Variants in DGKB observed in about 807,000 individuals in gnomAD.
DGKB encodes the protein 90 kDa diacylglycerol kinase.
In DGKB, 67 loss-of-function variants were observed where a neutral mutation model predicts 114.3. That is an observed-to-expected ratio of 0.59 (90% confidence interval 0.48 to 0.72). The LOEUF (loss-of-function observed/expected upper bound fraction) is 0.72, where lower values mean the gene tolerates loss of function less well. DGKB is among the 30% of genes least tolerant of loss of function. The pLI is 0.00. For synonymous variants in DGKB, 398 were observed against 323.1 expected, an observed-to-expected ratio of 1.23 and a Z score of -2.49; for missense variants, 907 against 975.2, an observed-to-expected ratio of 0.93 and a Z score of 0.93.
intron 1 of DGKB, among the ~76,000 whole-genome samples, chr7:14,936,777 C>T (rs1012059589): frequency 1.3e-5 from 2 of 151,998 alleles, no homozygotes. Context: ...TCTCAGGCTT[C>T]CAAGTTTCCA....
chr7:14,664,629 T>A (rs1435705453), intron 13 of DGKB, among the ~76,000 whole-genome samples: 1 of 152,008 alleles, frequency 6.6e-6, no homozygotes, highest in Non-Finnish European at 1.5e-5. Context: ...TATATAAACA[T>A]CACTTTACAT....
At chr7:14,830,717 A>G (rs1846290718) in intron 2 of DGKB, among the ~76,000 whole-genome samples, 1 of 152,114 alleles carries the variant, frequency 6.6e-6, no homozygotes, top group African/African-American at 2.4e-5. Context: ...ACCATGTGGG[A>G]TATCAATGGC....
intron 23 of DGKB, among the ~76,000 whole-genome samples, chr7:14,284,068 TG>T (rs1416815997): frequency 1.3e-5 from 2 of 151,868 alleles, no homozygotes; most frequent in East Asian, 3.9e-4. Flanking sequence ...ACCATCAGAG[TG>T]AACAGGCAAC....
intron 7 of DGKB, among the ~76,000 whole-genome samples, chr7:14,700,055 A>G (rs1430909011): frequency 6.6e-6 from 1 of 152,162 alleles, no homozygotes; most frequent in Non-Finnish European, 1.5e-5. Flanking sequence ...GTGTAGTCAC[A>G]AGTGCTATAC....
chr7:14,751,225 T>C (rs975306204), intron 4 of DGKB, among the ~76,000 whole-genome samples: 2 of 152,188 alleles, frequency 1.3e-5, no homozygotes, highest in Non-Finnish European at 2.9e-5. Flanking sequence ...CTTGGAAAAG[T>C]ACAAAAAGAT....
intron 15 of DGKB, among the ~76,000 whole-genome samples, chr7:14,614,391 T>A (rs1326240116): frequency 6.6e-6 from 1 of 152,102 alleles, no homozygotes; most frequent in East Asian, 1.9e-4. Flanking sequence ...TACAGTTTGA[T>A]GAAAAAAATT....
At chr7:14,647,696 A>C (rs1472914455) in intron 13 of DGKB, among the ~76,000 whole-genome samples, 1 of 152,202 alleles carries the variant, frequency 6.6e-6, no homozygotes, top group African/African-American at 2.4e-5. Flanking sequence ...TGAACGACGC[A>C]GAAGACGGGT....
chr7:14,637,839 C>A lies in DGKB; in HGVS notation c.1135-7571G>T, dbSNP rs150124823. Among the ~76,000 whole-genome samples, 28 of 151,800 alleles carry A rather than the reference C, an allele frequency of 1.8e-4. No homozygotes were observed. In the East Asian group the frequency reaches 4.5e-3, roughly 24 times the overall value. On this transcript the variant is annotated intron_variant, in intron 13 of 25. Transcript: ENST00000402815. ...AAATACATGTAGCTACAGTTGCCTG[C>A]TGAAAATATTCTATTGGAGTAACAT...
At position 14,148,897 on chromosome 7, in the gene DGKB, A is replaced by T; in HGVS notation, c.*234T>A. 3.8e-6 allele frequency: 2 copies of T among 528,450 alleles called. No homozygotes were observed. Among genetic ancestry groups the T allele is most frequent in the Non-Finnish European group, 6.7e-6 (2 of 298,886 alleles). 32.7% of individuals were successfully genotyped at this position (528,450 alleles called of 1,614,324 possible). On this transcript the variant is annotated 3_prime_UTR_variant, in exon 26 of 26. Coordinates refer to ENST00000402815, the MANE Select transcript of DGKB (RefSeq NM_001350709.2). ...CTATGGGAATGCATGCACCAAAAAT[A>T]TGCAGTATCACTTCAGGTAAACTTC...
At chr7:14,879,902 A>G (rs1853955589) in intron 1 of DGKB, among the ~76,000 whole-genome samples, 1 of 152,172 alleles carries the variant, frequency 6.6e-6, no homozygotes, top group African/African-American at 2.4e-5. Flanking sequence ...AAAAAATTAT[A>G]TATAATTTCT....
At chr7:14,440,078 G>C (rs1407145317) in intron 21 of DGKB, among the ~76,000 whole-genome samples, 1 of 152,054 alleles carries the variant, frequency 6.6e-6, no homozygotes, top group Non-Finnish European at 1.5e-5. Flanking sequence ...CCTGCTTCTA[G>C]TGAGCAAAGG....
At chr7:14,583,293 T>A (rs563958992) in intron 17 of DGKB, among the ~76,000 whole-genome samples, 156 bp from the exon 18 acceptor site, 4 of 152,252 alleles carry the variant, frequency 2.6e-5, no homozygotes, top group South Asian at 2.1e-4. Context: ...TAATCCTATT[T>A]TATAATTATA....
At position 14,733,923 on chromosome 7, in the gene DGKB, A is replaced by G. The variant is rs1831310097; in HGVS notation, c.322+2118T>C. Among the ~76,000 whole-genome samples the G allele has an allele frequency of 2.0e-5, 3 of 151,964 alleles. No individual in the cohort carries two copies. The South Asian group carries it at 6.2e-4, about 32-fold the overall frequency. Reference sequence around the variant, plus strand: ...TATGGACTCTTCATCATATTGTCTAAGTTTCATTTATGGCTCAACCATCTA... The same window carrying G: ...TATGGACTCTTCATCATATTGTCTAGGTTTCATTTATGGCTCAACCATCTA... On this transcript the variant is annotated intron_variant, in intron 5 of 25. Coordinates refer to ENST00000402815, the MANE Select transcript of DGKB (RefSeq NM_001350709.2).
At chr7:14,790,195 C>T (rs1232403198) in intron 2 of DGKB, among the ~76,000 whole-genome samples, 1 of 152,026 alleles carries the variant, frequency 6.6e-6, no homozygotes, top group Non-Finnish European at 1.5e-5. Flanking sequence ...ACATGCTAGT[C>T]CTGTGATTTA....
intron 23 of DGKB, among the ~76,000 whole-genome samples, chr7:14,322,846 T>G (rs1382412531): frequency 1.3e-5 from 2 of 152,190 alleles, no homozygotes; most frequent in African/African-American, 4.8e-5. Context: ...TCATTAGTCA[T>G]CATTAAAATG....
intron 13 of DGKB, among the ~76,000 whole-genome samples, chr7:14,640,444 C>CA (rs1811549683): frequency 6.6e-6 from 1 of 152,148 alleles, no homozygotes; most frequent in Admixed American, 6.5e-5. Flanking sequence ...TCACTAGGTA[C>CA]AGAGCCGTAA....
chr7:14,348,871 A>T (rs2128601162), intron 21 of DGKB, among the ~76,000 whole-genome samples: 1 of 151,916 alleles, frequency 6.6e-6, no homozygotes, highest in East Asian at 2.0e-4. Flanking sequence ...CACCTTTGGG[A>T]GTGCTGTATG....
intron 2 of DGKB, among the ~76,000 whole-genome samples, chr7:14,817,653 T>A (rs1210119297): frequency 1.3e-5 from 2 of 152,192 alleles, no homozygotes; most frequent in African/African-American, 4.8e-5. Context: ...AAGAGTTAGG[T>A]CTTTTAATTA....
intron 20 of DGKB, among the ~76,000 whole-genome samples, chr7:14,487,544 C>T (rs376481264): frequency 7.8e-4 from 117 of 150,836 alleles, no homozygotes; most frequent in African/African-American, 2.7e-3. Flanking sequence ...GCCTAGATTT[C>T]CATTTTACTC....
Sources: gnomAD v4.1 joint callset for allele counts (sites outside exome capture counted in the v4.1 genomes callset) on GRCh38, gnomAD v4.1.1 for gene constraint, MANE v1.5 for transcripts, NCBI Gene and HGNC (gene_info 2026-07-23, HGNC 2026-07-21) for gene names.